Variants in ARFGAP1 observed in about 807,000 individuals in gnomAD.
ARFGAP1 encodes ADP-ribosylation factor GTPase-activating protein 1.
A neutral mutation model predicts 54.0 loss-of-function variants in ARFGAP1; 26 were observed. That is an observed-to-expected ratio of 0.48 (90% CI 0.35 to 0.67). The LOEUF is 0.67. Ranked by LOEUF, ARFGAP1 falls within the 30% of genes least tolerant of loss-of-function variation. The pLI, the probability that ARFGAP1 is intolerant of heterozygous loss-of-function variation, is 0.00. For missense variants in ARFGAP1, 525 were observed against 535.8 expected (o/e 0.98, Z 0.20); for synonymous variants, 248 against 211.9 (o/e 1.17, Z -1.48).
chr20:63,277,390 C>A, intron 5 of ARFGAP1, 85 bp downstream of exon 5: 1 of 1,207,820 alleles, frequency 8.3e-7, no homozygotes, highest in Non-Finnish European at 1.1e-6. Context: ...TTCTCCCCTT[C>A]TTTGCTGTTG....
At chr20:63,274,727 C>A (rs985460447) in intron 1 of ARFGAP1, among the ~76,000 whole-genome samples, 28 of 152,166 alleles carry the variant, frequency 1.8e-4, no homozygotes, top group African/African-American at 6.5e-4. Flanking sequence ...GGGTCATTCC[C>A]CCTTGACGCT....
chr20:63,278,580 C>T (rs1412298959), intron 6 of ARFGAP1: 17 of 467,368 alleles, frequency 3.6e-5, no homozygotes, highest in Non-Finnish European at 5.0e-5. Flanking sequence ...ACATTTTCTG[C>T]GTGGAATCTG....
intron 9 of ARFGAP1, chr20:63,283,591 C>A (rs536697986): frequency 4.0e-6 from 2 of 500,986 alleles, no homozygotes; most frequent in East Asian, 6.7e-5. Context: ...CCCCACGTGC[C>A]CACCCCCAGC....
intron 7 of ARFGAP1, 125 bp from the exon 8 acceptor site, chr20:63,281,166 G>A: frequency 2.0e-6 from 2 of 1,017,356 alleles, no homozygotes; most frequent in Non-Finnish European, 2.9e-6. Flanking sequence ...GCGCGGTGGG[G>A]TCAGGATGGG....
At chr20:63,286,653 T>G (rs142823159) in intron 12 of ARFGAP1, among the ~76,000 whole-genome samples, 3,244 of 151,762 alleles carry the variant, frequency 0.021, 47 homozygotes, top group Middle Eastern at 0.054. Flanking sequence ...GAGGGGGCAC[T>G]GTGGAGGCTT....
chr20:63,282,259 C>T (rs947999823), intron 8 of ARFGAP1, among the ~76,000 whole-genome samples: 5 of 152,246 alleles, frequency 3.3e-5, no homozygotes, highest in Admixed American at 6.5e-5. Context: ...TTCTGGTTCC[C>T]GCCAGGGCCG....
In ARFGAP1 at chr20:63,286,441, A is replaced by G. The variant is rs1027548633; in HGVS notation, c.910A>G (p.Ser304Gly). 1 of 1,613,104 alleles carries G rather than the reference A, an allele frequency of 6.2e-7. No individual in the cohort carries two copies. The highest frequency in any genetic ancestry group is 8.5e-7 in the Non-Finnish European group (1 of 1,179,840). The change falls in exon 12 of 13, where the codon AGC (serine) becomes GGC (glycine). Residue 304 changes from serine to glycine, a missense_variant and splice_region_variant. By Grantham distance (56) the Ser-to-Gly change is moderately conservative. Transcript: ENST00000370283. ...FSGKAEGPLDSPSEGHSYQNS... is the reference protein window; with the variant it reads ...FSGKAEGPLDGPSEGHSYQNS... ...GGGGAAAGCAGAGGGCCCCTTGGAC[A>G]GGTATGCTGTGTCCCCTCCTGGGCC... is the stretch of plus-strand genomic sequence containing the variant.
Position 63,278,138 on chromosome 20 carries a change from T to G in ARFGAP1, c.465T>G (p.Ser155Arg). ...MVHRVSGQPQ[S>R]VTASSDKAFE... ...TCAGAGTCTCTGGCCAGCCGCAGAGTGTGACCGCCTCCTCGGACAAGGCTT... is the reference window on the plus strand; with the variant it reads ...TCAGAGTCTCTGGCCAGCCGCAGAGGGTGACCGCCTCCTCGGACAAGGCTT... The change falls in exon 6 of 13, where the codon AGT becomes AGG. Residue 155 changes from serine to arginine, a missense_variant. By Grantham distance (110) the Ser-to-Arg change is moderately radical (BLOSUM62 -1). Around this residue, in one of 3 missense-constraint regions of ARFGAP1, gnomAD observed 466 missense variants for 453.6 expected, o/e 1.03. Coordinates refer to ENST00000370283, the MANE Select transcript of ARFGAP1 (RefSeq NM_018209.4). The G allele has an allele frequency of 6.2e-7, 1 of 1,613,704 alleles. No individual in the cohort carries two copies. Among genetic ancestry groups the G allele is most frequent in the Non-Finnish European group, 8.5e-7 (1 of 1,179,934 alleles).
At chr20:63,279,087 C>A in intron 7 of ARFGAP1, 92 bp downstream of exon 7, 1 of 1,280,384 alleles carries the variant, frequency 7.8e-7, no homozygotes, top group Non-Finnish European at 1.1e-6. Flanking sequence ...AGTCCTGGAA[C>A]ATGTGCTCTT....
In ARFGAP1 at chr20:63,280,589, C is replaced by T. The variant is rs568031632; in HGVS notation, c.628-702C>T. The stretch of plus-strand genomic sequence containing the variant: ...TGGAGCTTCCAGTCGCTCGGGGTGG[C>T]CTGGTTGCACCTCTGGCCGCTGACG... On this transcript the variant is annotated intron_variant, in intron 7 of 12. Coordinates refer to ENST00000370283, the MANE Select transcript of ARFGAP1 (RefSeq NM_018209.4). 1.6e-3 allele frequency among the ~76,000 whole-genome samples: 238 copies of T among 152,370 alleles called. 2 individuals are homozygous for T. The highest frequency in any genetic ancestry group is 5.4e-3 in the African/African-American group (226 of 41,586).
intron 9 of ARFGAP1, chr20:63,284,237 G>C: frequency 8.3e-7 from 1 of 1,207,554 alleles, no homozygotes; most frequent in Non-Finnish European, 1.0e-6. Context: ...CTGGCCACCT[G>C]CGCTCCCTTG....
chr20:63,286,218 T>C (rs753597656), intron 11 of ARFGAP1, 148 bp from the exon 12 acceptor site: 31 of 1,547,144 alleles, frequency 2.0e-5, no homozygotes, highest in Admixed American at 3.9e-5. Flanking sequence ...CGTCTGTGTC[T>C]GTACGTGTGT....
chr20:63,284,915 A>G lies in ARFGAP1; in HGVS notation c.767A>G (p.Gln256Arg). Residue 256 changes from glutamine to arginine, a missense_variant, in exon 10 of 13, where the codon CAG (glutamine) becomes CGG (arginine). Around this residue, in one of 3 missense-constraint regions of ARFGAP1, gnomAD observed 466 missense variants for 453.6 expected, o/e 1.03. Transcript: ENST00000370283. ...SLNENVLKPA[Q>R]EKVKEGKIFD... Reference sequence around the variant, plus strand: ...AACGAGAACGTCCTCAAGCCTGCGCAGGAGAAGGTAACGGGCAGCTCCGGG... The same window carrying G: ...AACGAGAACGTCCTCAAGCCTGCGCGGGAGAAGGTAACGGGCAGCTCCGGG... 6.2e-7 allele frequency: 1 copy of G among 1,613,286 alleles called. No homozygotes were observed. The highest frequency in any genetic ancestry group is 8.5e-7 in the Non-Finnish European group (1 of 1,179,902).
Position 63,284,872 on chromosome 20 carries a change from G to A in ARFGAP1, c.724G>A (p.Glu242Lys), listed in dbSNP as rs376634869. 6.8e-6 allele frequency: 11 copies of A among 1,612,648 alleles called. No homozygotes were observed. The highest frequency in any genetic ancestry group is 4.4e-5 in the South Asian group (4 of 91,062). The stretch of plus-strand genomic sequence containing the variant: ...GTGACTTCCCTTCCTACAGGCGTCC[G>A]AGCTGGGCCACAGCCTGAACGAGAA... ...FGSQASQKAS[E>K]LGHSLNENVL... is the part of the protein sequence containing the mutation. Residue 242 changes from glutamate to lysine, a missense_variant, in exon 10 of 13, where the codon GAG becomes AAG. Coordinates refer to ENST00000370283, the MANE Select transcript of ARFGAP1 (RefSeq NM_018209.4).
intron 12 of ARFGAP1, chr20:63,286,836 A>C: frequency 9.4e-6 from 2 of 212,610 alleles, no homozygotes; most frequent in Non-Finnish European, 9.5e-6. Flanking sequence ...TGTCTCCCAG[A>C]CTCTGGGTGG....
chr20:63,285,907 C>G (rs143471297), intron 11 of ARFGAP1, 194 bp downstream of exon 11: 3 of 1,453,672 alleles, frequency 2.1e-6, no homozygotes, highest in African/African-American at 1.4e-5. Flanking sequence ...CACTGCGGCC[C>G]GGTCAGCCAC....
At chr20:63,285,852 A>T in intron 11 of ARFGAP1, 139 bp downstream of exon 11, 1 of 1,452,982 alleles carries the variant, frequency 6.9e-7, no homozygotes. Flanking sequence ...ACGGGAGGAG[A>T]GCTGCCCAGC....
intron 9 of ARFGAP1, chr20:63,283,479 C>T (rs1005117578): frequency 9.8e-5 from 29 of 295,732 alleles, no homozygotes; most frequent in Non-Finnish European, 1.7e-4. Flanking sequence ...GTGCATGGCT[C>T]TAGGACGCGC....
chr20:63,287,582 T>C lies in ARFGAP1; in HGVS notation c.930T>C (p.Ser310=), dbSNP rs2067593381. 3.1e-6 allele frequency: 5 copies of C among 1,593,022 alleles called. No homozygotes were observed. The highest frequency in any genetic ancestry group is 4.3e-6 in the Non-Finnish European group (5 of 1,165,560). The change falls in exon 13 of 13, where the codon AGT becomes AGC. Residue 310 remains serine, a synonymous_variant. Coordinates refer to ENST00000370283, the MANE Select transcript of ARFGAP1 (RefSeq NM_018209.4). The stretch of plus-strand genomic sequence containing the variant: ...TTAAAAGCCCCTCGGAGGGCCACAG[T>C]TATCAGAACAGCGGTCTGGACCACT... ...GPLDSPSEGH[S]YQNSGLDHFQ... is the part of the protein sequence containing the mutation.
Sources: gnomAD v4.1 joint callset for allele counts (sites outside exome capture counted in the v4.1 genomes callset) on GRCh38, gnomAD v4.1.1 for gene constraint, gnomAD v4.1.1 regional missense constraint, MANE v1.5 for transcripts, NCBI Gene and HGNC (gene_info 2026-07-23, HGNC 2026-07-21) for gene names.